Variants in TRPV4 observed in about 807,000 individuals in gnomAD.
TRPV4 encodes OSM9-like transient receptor potential channel 4.
A neutral mutation model predicts 84.1 loss-of-function variants in TRPV4; 58 were observed. That is an observed-to-expected ratio of 0.69 (90% CI 0.56 to 0.86). The LOEUF is 0.86. TRPV4 is among the 40% of genes least tolerant of loss of function. TRPV4 has a pLI of 0.00. For missense variants in TRPV4, 879 were observed against 1,181.1 expected (o/e 0.74, Z 3.75); for synonymous variants, 489 against 500.9 (o/e 0.98, Z 0.32).
chr12:109,831,459 G>A (rs1014951049), intron 1 of TRPV4, among the ~76,000 whole-genome samples: 2 of 152,244 alleles, frequency 1.3e-5, no homozygotes, highest in Admixed American at 1.3e-4. Context: ...CTCCTCCCCG[G>A]GGGGCCACAA....
At chr12:109,812,775 G>C (rs926574206) in intron 2 of TRPV4, among the ~76,000 whole-genome samples, 1 of 152,206 alleles carries the variant, frequency 6.6e-6, no homozygotes, top group Non-Finnish European at 1.5e-5. Flanking sequence ...ACAGTGGGTA[G>C]GTGAGAAGAT....
rs570072868 is a variant in TRPV4, at chr12:109,816,184, C to G, written c.-31-1357G>C. ...AAGACTTGGACCAGAGAGGTGGGGA[C>G]ACAGCAAGAGGCCTCCCTTAGTGGG... On this transcript the variant is annotated intron_variant, in intron 1 of 15. Transcript: ENST00000261740. 3.3e-5 allele frequency among the ~76,000 whole-genome samples: 5 copies of G among 152,302 alleles called. No homozygotes were observed. In the South Asian group the frequency reaches 1.0e-3, roughly 32 times the overall value.
intron 1 of TRPV4, among the ~76,000 whole-genome samples, chr12:109,821,163 G>A (rs900115425): frequency 2.0e-5 from 3 of 152,228 alleles, no homozygotes; most frequent in Admixed American, 6.5e-5. Context: ...AACCTGCTCC[G>A]CCCCAGCGGG....
In TRPV4 at chr12:109,808,357, C is replaced by T; in HGVS notation, c.498G>A (p.Leu166=). The change falls in exon 3 of 16, where the codon CTG becomes CTA. Residue 166 remains leucine, a synonymous_variant. Transcript: ENST00000261740. ...DIVSRGSTAD[L]DGLLPFLLTH... is the part of the protein sequence containing the mutation. ...TCAGCAAGAATGGGAGCAGCCCGTC[C>T]AGGTCAGCAGTGGAGCCCCGGGACA... 1 of 1,614,214 alleles carries T rather than the reference C, an allele frequency of 6.2e-7. No individual in the cohort carries two copies. Among genetic ancestry groups the T allele is most frequent in the Non-Finnish European group, 8.5e-7 (1 of 1,180,022 alleles).
chr12:109,814,791 C>T lies in TRPV4; in HGVS notation c.6G>A (p.Ala2=), dbSNP rs1392798743. The T allele has an allele frequency of 5.2e-6, 8 of 1,541,604 alleles. No homozygotes were observed. The highest frequency in any genetic ancestry group is 1.2e-5 in the South Asian group (1 of 84,196). Residue 2 remains alanine, a synonymous_variant, in exon 2 of 16, where the codon GCG becomes GCA. Coordinates refer to ENST00000261740, the MANE Select transcript of TRPV4 (RefSeq NM_021625.5). This position sits in a 1 kb window ranked among gnomAD's most constrained non-coding sequence, Gnocchi z 5.4. M[A]DSSEGPRAGP... The stretch of plus-strand genomic sequence containing the variant: ...CCGCGCGGGGGCCTTCGCTGGAATC[C>T]GCCATGCCTGCCCCAGGCCCGTCTG...
chr12:109,800,632 C>T lies in TRPV4; in HGVS notation c.839G>A (p.Gly280Asp), dbSNP rs1890713612. ...CCCCTCCTTACCAAAGTAGAAGTAG[C>T]CCCCCTCATCCTTGGGCTGGAAGAA... The part of the protein sequence containing the change: ...GRFFQPKDEG[G>D]YFYFGELPLS... The change falls in exon 5 of 16, where the codon GGC (glycine) becomes GAC (aspartate). Residue 280 changes from glycine to aspartate, a missense_variant. Gly to Asp is a moderately conservative substitution (Grantham distance 94). Coordinates refer to ENST00000261740, the MANE Select transcript of TRPV4 (RefSeq NM_021625.5). 1 of 1,614,046 alleles carries T rather than the reference C, an allele frequency of 6.2e-7. No homozygotes were observed. The highest frequency in any genetic ancestry group is 8.5e-7 in the Non-Finnish European group (1 of 1,180,030).
chr12:109,792,953 A>C, intron 10 of TRPV4, 136 bp from the exon 11 acceptor site: 1 of 827,690 alleles, frequency 1.2e-6, no homozygotes, highest in South Asian at 1.7e-5. Context: ...AAAAGAAACA[A>C]AGTGGATTAG....
Position 109,814,266 on chromosome 12 carries a change from T to C in TRPV4, c.386+145A>G, listed in dbSNP as rs1891716770. The C allele has an allele frequency of 1.1e-6, 1 of 931,314 alleles. No homozygotes were observed. 57.7% of individuals were successfully genotyped at this position (931,314 alleles called of 1,614,324 possible). A position where few individuals can be genotyped will look rare whatever the true frequency, so the allele number is the denominator to read the frequency against. On this transcript the variant is annotated intron_variant, in intron 2 of 15. Transcript: ENST00000261740. The surrounding 1 kb of genome is among the most constrained non-coding windows in gnomAD (Gnocchi z 5.4). ...ATGGATAGGGAGATGAATAGATGGA[T>C]GGATAGATGTATGGATGGTTGGATG...
At chr12:109,785,416 T>C (rs1889626322) in intron 14 of TRPV4, among the ~76,000 whole-genome samples, 1 of 151,948 alleles carries the variant, frequency 6.6e-6, no homozygotes, top group Non-Finnish European at 1.5e-5. Context: ...TCCTATCTAT[T>C]CATTTTTGTT....
chr12:109,812,636 A>G (rs1891591140), intron 2 of TRPV4, among the ~76,000 whole-genome samples: 1 of 152,228 alleles, frequency 6.6e-6, no homozygotes, highest in Non-Finnish European at 1.5e-5. Context: ...GGTGGTTAGA[A>G]GAGAGAAGGA....
chr12:109,817,171 G>A (rs970057183), intron 1 of TRPV4, among the ~76,000 whole-genome samples: 1 of 152,132 alleles, frequency 6.6e-6, no homozygotes, highest in East Asian at 1.9e-4. Flanking sequence ...GCTTTGCTCT[G>A]CAGGAATGGG....
intron 1 of TRPV4, among the ~76,000 whole-genome samples, chr12:109,828,162 C>A (rs929228261): frequency 6.6e-6 from 1 of 152,202 alleles, no homozygotes; most frequent in South Asian, 2.1e-4. Flanking sequence ...GCCTGTCTGT[C>A]CCCTGAGCCC....
chr12:109,825,697 A>G (rs1431059389), intron 1 of TRPV4, among the ~76,000 whole-genome samples: 1 of 152,228 alleles, frequency 6.6e-6, no homozygotes, highest in Non-Finnish European at 1.5e-5. Flanking sequence ...ACTAAGGACC[A>G]GAAGGGACAG....
chr12:109,811,181 C>T (rs1405934317), intron 2 of TRPV4, among the ~76,000 whole-genome samples: 2 of 152,156 alleles, frequency 1.3e-5, no homozygotes, highest in African/African-American at 4.8e-5. Context: ...TTCTTGTATC[C>T]ACCCACTCTC....
In TRPV4 at chr12:109,815,795, T is replaced by C. The variant is rs1443865239; in HGVS notation, c.-31-968A>G. Reference sequence around the variant, plus strand: ...GAAAAACTTTATGACAAAGATGTCATTTGTTCCCATTTCTCAGATGAGGAA... The same window carrying C: ...GAAAAACTTTATGACAAAGATGTCACTTGTTCCCATTTCTCAGATGAGGAA... On this transcript the variant is annotated intron_variant, in intron 1 of 15. Coordinates refer to ENST00000261740, the MANE Select transcript of TRPV4 (RefSeq NM_021625.5). This position sits in a 1 kb window ranked among gnomAD's most constrained non-coding sequence, Gnocchi z 4.1. Among the ~76,000 whole-genome samples the C allele has an allele frequency of 6.6e-6, 1 of 152,212 alleles. No individual in the cohort carries two copies. Among genetic ancestry groups the C allele is most frequent in the East Asian group, 1.9e-4 (1 of 5,196 alleles).
chr12:109,789,602 C>G (rs917253207), intron 12 of TRPV4, among the ~76,000 whole-genome samples: 7 of 152,154 alleles, frequency 4.6e-5, no homozygotes, highest in African/African-American at 1.4e-4. Flanking sequence ...CTTCAGATTC[C>G]TTCTCAACAC....
chr12:109,790,886 G>T (rs955219718), intron 12 of TRPV4, among the ~76,000 whole-genome samples: 1 of 152,204 alleles, frequency 6.6e-6, no homozygotes, highest in African/African-American at 2.4e-5. Flanking sequence ...AGGCCACCAT[G>T]TGGACAAGCC....
rs1038240524 is a variant in TRPV4, at chr12:109,783,849, A to C, written c.2459-71T>G. 9.0e-6 allele frequency: 14 copies of C among 1,561,238 alleles called. No individual in the cohort carries two copies. The Admixed American group carries it at 2.0e-4, about 23-fold the overall frequency. ...GAGAGCGTGCGTATATTGAGTGCCT[A>C]CTGTGTACTGGGCACTCCACAGTGT... On this transcript the variant is annotated intron_variant, in intron 15 of 15. Transcript: ENST00000261740. The surrounding 1 kb of genome is among the most constrained non-coding windows in gnomAD (Gnocchi z 4.6).
At chr12:109,813,556 T>A (rs769808309) in intron 2 of TRPV4, among the ~76,000 whole-genome samples, 1 of 147,256 alleles carries the variant, frequency 6.8e-6, no homozygotes, top group East Asian at 1.9e-4. Flanking sequence ...TATAAATGAG[T>A]GGGTGGATGG....
Sources: allele counts gnomAD v4.1 joint callset (sites outside exome capture counted in the v4.1 genomes callset), GRCh38; gene constraint gnomAD v4.1.1; non-coding constraint Gnocchi (gnomAD v3.1); transcripts MANE v1.5; gene names NCBI Gene and HGNC (gene_info 2026-07-23, HGNC 2026-07-21).